ARHGAP12: variants seen among roughly 807,000 people sequenced by gnomAD.
The protein encoded by ARHGAP12 is Rho GTPase activating protein 12.
In ARHGAP12, 64 loss-of-function variants were observed where a neutral mutation model predicts 108.6. The ratio of observed to expected loss-of-function variants is 0.59; its 90% CI spans 0.48 to 0.73. The LOEUF (loss-of-function observed/expected upper bound fraction) is 0.73. ARHGAP12 is among the 30% of genes least tolerant of loss of function. The pLI, the probability that ARHGAP12 is intolerant of heterozygous loss-of-function variation, is 0.00. For missense variants in ARHGAP12, 940 were observed against 1,005.9 expected, an observed-to-expected ratio of 0.93 and a Z score of 0.89; for synonymous variants, 312 against 337.2, an observed-to-expected ratio of 0.93 and a Z score of 0.82.
chr10:31,925,092 A>G (rs1322821273), intron 1 of ARHGAP12, among the ~76,000 whole-genome samples: 2 of 152,322 alleles, frequency 1.3e-5, no homozygotes, highest in Middle Eastern at 3.4e-3. Context: ...GCAGCTTATT[A>G]GTAGTACATA....
intron 12 of ARHGAP12, among the ~76,000 whole-genome samples, 178 bp from the exon 13 acceptor site, chr10:31,818,064 A>T (rs926434109): frequency 6.6e-6 from 1 of 152,230 alleles, no homozygotes; most frequent in East Asian, 1.9e-4. Flanking sequence ...GTTTACAATA[A>T]TATCAGTTGA....
rs1033169846 is a variant in ARHGAP12 at position 31,920,454 on chromosome 10, A to AAAAAAAAAAAAG, written c.-111+8228_-111+8229insCTTTTTTTTTTT. Among the ~76,000 whole-genome samples the AAAAAAAAAAAAG allele has an allele frequency of 1.5e-4, 22 of 146,090 alleles. 4 individuals are homozygous for AAAAAAAAAAAAG. Among genetic ancestry groups the AAAAAAAAAAAAG allele is most frequent in the African/African-American group, 5.9e-4 (22 of 37,354 alleles). On this transcript the variant is annotated intron_variant, in intron 1 of 19. Coordinates refer to ENST00000344936, the MANE Select transcript of ARHGAP12 (RefSeq NM_018287.7). ...GACAGAGTGAGACTCCGTCTCAAAA[A>AAAAAAAAAAAAG]AAAAAAAAAAAAAAAAAGAAAACTG...
At chr10:31,862,736 A>G (rs964253379) in intron 3 of ARHGAP12, among the ~76,000 whole-genome samples, 1 of 148,128 alleles carries the variant, frequency 6.8e-6, no homozygotes, top group Non-Finnish European at 1.5e-5. Flanking sequence ...ACACACACAC[A>G]CACACACACA....
intron 12 of ARHGAP12, among the ~76,000 whole-genome samples, chr10:31,818,496 T>TTAA (rs1220112370): frequency 4.6e-5 from 7 of 152,206 alleles, no homozygotes; most frequent in African/African-American, 1.7e-4. Context: ...CTAATTTATG[T>TTAA]ACAATCTCTG....
At position 31,901,147 on chromosome 10, in the gene ARHGAP12, C is replaced by G. The variant is rs558891736; in HGVS notation, c.684+7025G>C. Among the ~76,000 whole-genome samples, 4 of 149,086 alleles carry G rather than the reference C, an allele frequency of 2.7e-5. No individual in the cohort carries two copies. In the East Asian group the frequency reaches 7.9e-4, roughly 29 times the overall value. ...GGGATAATCGCTTGAACCTGGGAGG[C>G]AGAGACTACAGTGAGCCAAGATTGC... On this transcript the variant is annotated intron_variant, in intron 3 of 19. Transcript: ENST00000344936.
chr10:31,917,881 C>T (rs1839628102), intron 1 of ARHGAP12, among the ~76,000 whole-genome samples: 1 of 151,964 alleles, frequency 6.6e-6, no homozygotes, highest in Admixed American at 6.6e-5. Context: ...AAGATACAGA[C>T]GGTTCCCAAC....
At chr10:31,847,230 GTCTTT>G (rs1360880305) in intron 6 of ARHGAP12, among the ~76,000 whole-genome samples, 1 of 152,010 alleles carries the variant, frequency 6.6e-6, no homozygotes, top group Non-Finnish European at 1.5e-5. Flanking sequence ...CCTACTGATT[GTCTTT>G]TCTCATTCAA....
chr10:31,869,472 G>A (rs548192002), intron 3 of ARHGAP12, among the ~76,000 whole-genome samples: 4 of 152,124 alleles, frequency 2.6e-5, no homozygotes, highest in African/African-American at 7.2e-5. Context: ...GGGAGGTGGA[G>A]GTTGCAGTGA....
intron 2 of ARHGAP12, among the ~76,000 whole-genome samples, chr10:31,909,146 A>G (rs1839254297): frequency 1.3e-5 from 2 of 152,030 alleles, no homozygotes; most frequent in African/African-American, 4.8e-5. Flanking sequence ...TTATGACCAA[A>G]ACAAAAGCCG....
intron 3 of ARHGAP12, among the ~76,000 whole-genome samples, chr10:31,870,075 AC>A (rs917920413): frequency 6.6e-6 from 1 of 152,186 alleles, no homozygotes; most frequent in Non-Finnish European, 1.5e-5. Context: ...ATGGAAAAAA[AC>A]ATTTACCACA....
chr10:31,879,968 T>A (rs1837875231), intron 3 of ARHGAP12, among the ~76,000 whole-genome samples: 1 of 152,106 alleles, frequency 6.6e-6, no homozygotes, highest in Non-Finnish European at 1.5e-5. Context: ...TTATGGGAAA[T>A]AATAGGGAAG....
chr10:31,883,713 C>CTT (rs545505761), intron 3 of ARHGAP12, among the ~76,000 whole-genome samples: 44 of 139,846 alleles, frequency 3.1e-4, no homozygotes, highest in African/African-American at 8.9e-4. Context: ...ATGTAAAATA[C>CTT]TTTTTTTTTT....
intron 6 of ARHGAP12, among the ~76,000 whole-genome samples, chr10:31,849,331 T>C (rs181314507): frequency 3.9e-5 from 6 of 152,322 alleles, no homozygotes; most frequent in African/African-American, 1.4e-4. Flanking sequence ...CATTCTTTTT[T>C]ACTCAGTTGT....
chr10:31,894,887 G>C (rs934874408), intron 3 of ARHGAP12, among the ~76,000 whole-genome samples: 1 of 152,116 alleles, frequency 6.6e-6, no homozygotes, highest in East Asian at 1.9e-4. Flanking sequence ...CATGGTACTG[G>C]TACCAAAACA....
rs546671812 is a variant in ARHGAP12 at position 31,896,632 on chromosome 10, G to A, written c.684+11540C>T. ...ATGTGATTATGAGGGGGAAAAAAAG[G>A]GCTTCAGCAAAGTATATGGTTCTTA... On this transcript the variant is annotated intron_variant, in intron 3 of 19. Coordinates refer to ENST00000344936, the MANE Select transcript of ARHGAP12 (RefSeq NM_018287.7). Among the ~76,000 whole-genome samples, 3 of 152,088 alleles carry A rather than the reference G, an allele frequency of 2.0e-5. No individual in the cohort carries two copies. The South Asian group carries it at 6.2e-4, about 32-fold the overall frequency.
intron 19 of ARHGAP12, among the ~76,000 whole-genome samples, chr10:31,808,056 A>G (rs1173097384): frequency 5.9e-5 from 9 of 152,198 alleles, no homozygotes; most frequent in Admixed American, 5.9e-4. Context: ...ATACTCTAAC[A>G]AACTTAAAAT....
At position 31,810,724 on chromosome 10, in the gene ARHGAP12, C is replaced by T. The variant is rs771905977; in HGVS notation, c.1975G>A (p.Ala659Thr). The T allele has an allele frequency of 5.0e-6, 8 of 1,609,488 alleles. 1 individual carries two copies. The highest frequency in any genetic ancestry group is 4.5e-5 in the East Asian group (2 of 44,680). ...IKDQVFGSNL[A>T]NLCQRENGTV... The stretch of plus-strand genomic sequence containing the variant: ...CCATTCTCTCTCTGACACAGATTAG[C>T]GAGATTGGATCCAAATACCTGATCT... Residue 659 changes from alanine (A) to threonine (T), a missense_variant, in exon 16 of 20, where the codon GCT (alanine) becomes ACT (threonine). Physicochemically the swap from Ala to Thr is moderately conservative, Grantham distance 58. Coordinates refer to ENST00000344936, the MANE Select transcript of ARHGAP12 (RefSeq NM_018287.7).
intron 6 of ARHGAP12, among the ~76,000 whole-genome samples, chr10:31,849,921 G>A (rs1477226004): frequency 6.6e-6 from 1 of 152,082 alleles, no homozygotes; most frequent in Non-Finnish European, 1.5e-5. Context: ...TAGTTCTTCT[G>A]ACCAAGGAAA....
intron 3 of ARHGAP12, among the ~76,000 whole-genome samples, chr10:31,866,359 A>C (rs1012382933): frequency 6.6e-6 from 1 of 152,230 alleles, no homozygotes; most frequent in African/African-American, 2.4e-5. Context: ...AAAAGCGAGT[A>C]AAATACAGAA....
Sources: gnomAD v4.1 joint callset for allele counts (sites outside exome capture counted in the v4.1 genomes callset) on GRCh38, gnomAD v4.1.1 for gene constraint, MANE v1.5 for transcripts, NCBI Gene and HGNC (gene_info 2026-07-23, HGNC 2026-07-21) for gene names.